Variants in DPP6 observed in about 807,000 individuals in gnomAD.
DPP6 encodes A-type potassium channel modulatory protein DPP6.
DPP6 carries 69 observed loss-of-function variants against 122.6 expected under a neutral mutation model. That is an observed-to-expected ratio of 0.56 (90% CI 0.46 to 0.69). The LOEUF (loss-of-function observed/expected upper bound fraction) is 0.69, where lower values mean the gene tolerates loss of function less well. Ranked by LOEUF, DPP6 falls within the 30% of genes least tolerant of loss-of-function variation. The pLI, the probability that DPP6 is intolerant of heterozygous loss-of-function variation, is 0.00. For synonymous variants in DPP6, 418 were observed against 433.1 expected (o/e 0.97, Z 0.43); for missense variants, 928 against 1,116.9 (o/e 0.83, Z 2.41).
chr7:154,116,613 C>G (rs913635579), intron 1 of DPP6, among the ~76,000 whole-genome samples: 16 of 152,122 alleles, frequency 1.1e-4, no homozygotes, highest in African/African-American at 2.9e-4. Flanking sequence ...TATAAATATC[C>G]CTTCATCTCA....
At chr7:153,757,664 G>C in the DPP6 span, among the ~76,000 whole-genome samples, 1 of 152,166 alleles carries the variant, frequency 6.6e-6, no homozygotes, top group African/African-American at 2.4e-5. Context: ...TCCAAGCCTA[G>C]AAAGAACCAT....
intron 3 of DPP6, among the ~76,000 whole-genome samples, chr7:154,526,076 C>T (rs978727941): frequency 6.6e-6 from 1 of 152,156 alleles, no homozygotes; most frequent in Non-Finnish European, 1.5e-5. Flanking sequence ...ACTTTTTAAT[C>T]CATTGATTCT....
rs1805157570 is a variant in DPP6 at position 154,879,381 on chromosome 7, C to A, written c.2079-1507C>A. Among the ~76,000 whole-genome samples, 2 of 121,318 alleles carry A rather than the reference C, an allele frequency of 1.6e-5. 1 individual carries two copies. Among genetic ancestry groups the A allele is most frequent in the Non-Finnish European group, 3.3e-5 (2 of 61,322 alleles). The allele number at this position is 121,318 out of a possible 152,430, so 79.6% of individuals were successfully genotyped here. ...GGATCACGAGGTCAGGAGATCGAGA[C>A]CATCCTGGCTAACACGGTGAAACCC... On this transcript the variant is annotated intron_variant, in intron 20 of 25. Transcript: ENST00000377770.
chr7:153,993,950 C>T (rs998018208), intron 1 of DPP6, among the ~76,000 whole-genome samples: 35 of 152,142 alleles, frequency 2.3e-4, no homozygotes, highest in African/African-American at 8.4e-4. Flanking sequence ...AGTGTGTTGC[C>T]TGATCAGGGA....
intron 8 of DPP6, among the ~76,000 whole-genome samples, chr7:154,753,412 C>T (rs562474468): frequency 6.6e-6 from 1 of 152,294 alleles, no homozygotes; most frequent in African/African-American, 2.4e-5. Flanking sequence ...GGCACCTGCA[C>T]TGGGTCTGGG....
intron 1 of DPP6, among the ~76,000 whole-genome samples, chr7:154,102,463 A>C (rs1805815526): frequency 6.6e-6 from 1 of 152,168 alleles, no homozygotes; most frequent in African/African-American, 2.4e-5. Context: ...TGCTGGGATT[A>C]CAGGCATGAG....
At position 153,967,446 on chromosome 7, in the gene DPP6, T is replaced by C. The variant is rs1266724471; in HGVS notation, c.51+79712T>C. On this transcript the variant is annotated intron_variant, in intron 1 of 25. Coordinates refer to the DPP6 transcript ENST00000404039. ...AACTTCAGCCTGACAGGACAGCAGC[T>C]TGCAGTGCAGTAGTTACAACAACTC... 2.0e-5 allele frequency among the ~76,000 whole-genome samples: 3 copies of C among 152,302 alleles called. No individual in the cohort carries two copies. In the South Asian group the frequency reaches 6.2e-4, roughly 32 times the overall value.
At chr7:153,870,950 G>A in the DPP6 span, among the ~76,000 whole-genome samples, 288 of 152,308 alleles carry the variant, frequency 1.9e-3, no homozygotes, top group Non-Finnish European at 3.4e-3. Flanking sequence ...CAGCAGCAGT[G>A]GCTGCAGAAC....
chr7:154,835,100 A>AT (rs1430468227), intron 16 of DPP6, among the ~76,000 whole-genome samples: 1 of 152,100 alleles, frequency 6.6e-6, no homozygotes, highest in Admixed American at 6.5e-5. Flanking sequence ...TTTGTGACTT[A>AT]TTTCCCCACA....
intron 7 of DPP6, among the ~76,000 whole-genome samples, chr7:154,697,552 G>A (rs1044655020): frequency 1.6e-4 from 24 of 152,244 alleles, no homozygotes; most frequent in African/African-American, 5.8e-4. Context: ...AGCCAAGGAT[G>A]GGAAGGATTC....
intron 1 of DPP6, among the ~76,000 whole-genome samples, chr7:154,380,691 G>T (rs780535918): frequency 2.0e-5 from 3 of 152,172 alleles, no homozygotes; most frequent in Non-Finnish European, 2.9e-5. Context: ...CATTCCCCTG[G>T]TACCTTTTTG....
At chr7:153,799,864 A>G in the DPP6 span, among the ~76,000 whole-genome samples, 1 of 152,230 alleles carries the variant, frequency 6.6e-6, no homozygotes, top group Non-Finnish European at 1.5e-5. Flanking sequence ...CAAAAGTGAC[A>G]GTAACAAGGC....
At chr7:153,932,892 G>T (rs1446467861) in intron 1 of DPP6, among the ~76,000 whole-genome samples, 2 of 152,128 alleles carry the variant, frequency 1.3e-5, no homozygotes, top group Non-Finnish European at 2.9e-5. Flanking sequence ...TGTTATGGGC[G>T]GGACGTGGCG....
chr7:154,062,345 G>A (rs1396115644), intron 1 of DPP6, among the ~76,000 whole-genome samples: 4 of 36,470 alleles, frequency 1.1e-4, no homozygotes, highest in African/African-American at 2.6e-4. Flanking sequence ...CCCCCCGCGA[G>A]GGTGGGGACT....
At chr7:154,125,130 G>A (rs144694744) in intron 1 of DPP6, among the ~76,000 whole-genome samples, 1 of 152,186 alleles carries the variant, frequency 6.6e-6, no homozygotes, top group African/African-American at 2.4e-5. Context: ...TTACTAAAAT[G>A]TCACTAGGAG....
chr7:154,398,125 G>A (rs1419721177), intron 1 of DPP6, among the ~76,000 whole-genome samples: 1 of 152,114 alleles, frequency 6.6e-6, no homozygotes, highest in South Asian at 2.1e-4. Flanking sequence ...TGAGGTTGAG[G>A]GTGTTAATGA....
intron 5 of DPP6, chr7:154,587,353 T>G (rs1383136012): frequency 2.4e-5 from 11 of 449,018 alleles, no homozygotes; most frequent in Non-Finnish European, 4.4e-5. Flanking sequence ...CCCCCAACCA[T>G]TCCCACTGCC....
chr7:154,642,802 T>C (rs1836191871), intron 6 of DPP6, among the ~76,000 whole-genome samples: 1 of 151,710 alleles, frequency 6.6e-6, no homozygotes, highest in Non-Finnish European at 1.5e-5. Flanking sequence ...TTAGTGAGGC[T>C]GAGGCACAAG....
chr7:154,188,871 AC>A (rs1798481368), intron 1 of DPP6, among the ~76,000 whole-genome samples: 1 of 152,254 alleles, frequency 6.6e-6, no homozygotes. Flanking sequence ...ACCACTGTTA[AC>A]TACTTGTGAA....
Sources: allele counts gnomAD v4.1 joint callset (sites outside exome capture counted in the v4.1 genomes callset), GRCh38; gene constraint gnomAD v4.1.1; transcripts MANE v1.5; gene names NCBI Gene and HGNC (gene_info 2026-07-23, HGNC 2026-07-21).